Variants in TTN observed in about 807,000 individuals in gnomAD.
TTN encodes the protein titin.
In TTN, 1,525 loss-of-function variants were observed where a neutral mutation model predicts 3,223.0. That is an observed-to-expected ratio of 0.47 (90% confidence interval 0.45 to 0.49). The LOEUF (loss-of-function observed/expected upper bound fraction) is 0.49, where lower values mean the gene tolerates loss of function less well. Among genes scored for constraint, TTN ranks in the 20% least tolerant of loss-of-function variants. The pLI, the probability that TTN is intolerant of heterozygous loss-of-function variation, is 0.00. For synonymous variants in TTN, 14,094 were observed against 15,161.0 expected, an observed-to-expected ratio of 0.93 and a Z score of 5.17; for missense variants, 40,786 against 43,424.0, an observed-to-expected ratio of 0.94 and a Z score of 5.40.
intron 263 of TTN, 127 bp from the exon 264 acceptor site, chr2:178,613,403 G>A (rs2154201005): frequency 2.5e-6 from 2 of 815,686 alleles, no homozygotes; most frequent in Non-Finnish European, 1.9e-6. Context: ...TAACTGAAAA[G>A]CACTTCAATA....
intron 220 of TTN, 23 bp from the exon 221 acceptor site, chr2:178,640,653 C>T: frequency 6.5e-7 from 1 of 1,542,272 alleles, no homozygotes; most frequent in Non-Finnish European, 8.7e-7. Flanking sequence ...ATTATTTTTT[C>T]AGTGTTAATA....
chr2:178,733,622 A>G lies in TTN; in HGVS notation c.15767T>C (p.Ile5256Thr), dbSNP rs773177460. The change falls in exon 53 of 363, where the codon ATA becomes ACA. Residue 5256 changes from isoleucine (I) to threonine (T), a missense_variant. Coordinates refer to ENST00000589042, the MANE Select transcript of TTN (RefSeq NM_001267550.2). ...AGSQTSVGEL[I>T]VKEPAKIIER... ...AATGTTCCTACACAAACCTTTAACT[A>G]TTAATTCCCCAACAGATGTTTGGCT... The G allele has an allele frequency of 2.5e-6, 4 of 1,610,834 alleles. No individual in the cohort carries two copies. Among genetic ancestry groups the G allele is most frequent in the Non-Finnish European group, 1.7e-6 (2 of 1,177,636 alleles).
chr2:178,731,291 C>G lies in TTN; in HGVS notation c.17461+14G>C, dbSNP rs751425418. 1.2e-6 allele frequency: 2 copies of G among 1,612,410 alleles called. No individual in the cohort carries two copies. Among genetic ancestry groups the G allele is most frequent in the South Asian group, 2.2e-5 (2 of 90,992 alleles). ...ATTTCTTCCTCAAACCCAAGGCAAA[C>G]GTTCTGAACCAACCTTTTACTGAGA... On this transcript the variant is annotated intron_variant, in intron 59 of 362. Coordinates refer to ENST00000589042, the MANE Select transcript of TTN (RefSeq NM_001267550.2).
rs142132973 is a variant in TTN at position 178,748,073 on chromosome 2, A to G, written c.11311+5051T>C. 8.2e-4 allele frequency: 1,319 copies of G among 1,612,984 alleles called. 11 individuals are homozygous for G. The South Asian group carries it at 9.2e-3, about 11-fold the overall frequency. ...TTCTTCTTCCATTTCACCAACCCCTAAAGGCTTTTCCTCACTTGCTGCTTT... is the reference window on the plus strand; with the variant it reads ...TTCTTCTTCCATTTCACCAACCCCTGAAGGCTTTTCCTCACTTGCTGCTTT... On this transcript the variant is annotated intron_variant, in intron 47 of 362. Coordinates refer to ENST00000589042, the MANE Select transcript of TTN (RefSeq NM_001267550.2).
chr2:178,617,707 G>T, intron 253 of TTN, 72 bp downstream of exon 253: 1 of 1,549,230 alleles, frequency 6.5e-7, no homozygotes, highest in South Asian at 1.2e-5. Flanking sequence ...CATTTAACTT[G>T]ATTTATTTTA....
rs2057745524 is a variant in TTN, at chr2:178,618,511, G to T, written c.46967-20C>A. 7 of 1,609,530 alleles carry T rather than the reference G, an allele frequency of 4.3e-6. No homozygotes were observed. The highest frequency in any genetic ancestry group is 3.3e-4 in the Middle Eastern group (2 of 6,038). ...GAACATCTGAAATTCACATATAGAG[G>T]AATTTTTTTAGTGTGCTGTCTTGCT... is the stretch of plus-strand genomic sequence containing the variant. On this transcript the variant is annotated intron_variant, in intron 251 of 362. Coordinates refer to ENST00000589042, the MANE Select transcript of TTN (RefSeq NM_001267550.2).
At position 178,572,299 on chromosome 2, in the gene TTN, C is replaced by A. The variant is rs2154170017; in HGVS notation, c.73833G>T (p.Val24611=). The change falls in exon 326 of 363, where the codon GTG becomes GTT. Residue 24611 remains valine, a synonymous_variant. Coordinates refer to ENST00000589042, the MANE Select transcript of TTN (RefSeq NM_001267550.2). ...GAGGAAGAGGTCGTTCTGATGCTTTCACAGATTCTGCGGTTTCAGCAGGCA... is the reference window on the plus strand; with the variant it reads ...GAGGAAGAGGTCGTTCTGATGCTTTAACAGATTCTGCGGTTTCAGCAGGCA... The part of the protein sequence containing the change: ...IGLPAETAES[V]KASERPLPPG... 2.5e-6 allele frequency: 4 copies of A among 1,611,996 alleles called. No individual in the cohort carries two copies. Among genetic ancestry groups the A allele is most frequent in the Non-Finnish European group, 3.4e-6 (4 of 1,178,400 alleles).
At position 178,729,316 on chromosome 2, in the gene TTN, G is replaced by A. The variant is rs1329418633; in HGVS notation, c.18840C>T (p.Cys6280=). ...QCIVSNEGGS[C]SCSTRVALKE... ...TCAGGGCAACTCTAGTACTGCATGAGCAGCTGCCGCCTTCATTGGATACAA... is the reference window on the plus strand; with the variant it reads ...TCAGGGCAACTCTAGTACTGCATGAACAGCTGCCGCCTTCATTGGATACAA... The change falls in exon 64 of 363, where the codon TGC becomes TGT. Residue 6280 remains cysteine (C), a synonymous_variant. Coordinates refer to ENST00000589042, the MANE Select transcript of TTN (RefSeq NM_001267550.2). 3 of 1,611,528 alleles carry A rather than the reference G, an allele frequency of 1.9e-6. No individual in the cohort carries two copies. The highest frequency in any genetic ancestry group is 2.2e-5 in the East Asian group (1 of 44,828).
In TTN at chr2:178,720,664, C is replaced by A. The variant is rs867681965; in HGVS notation, c.23099-1G>T. 6.4e-7 allele frequency: 1 copy of A among 1,569,780 alleles called. No individual in the cohort carries two copies. Among genetic ancestry groups the A allele is most frequent in the Non-Finnish European group, 8.6e-7 (1 of 1,164,020 alleles). ...GGCTTCTGGGTGAAAACAGGAGGTG[C>A]TACCAGAAAAAAGGAGATAAACAAT... On this transcript the variant is annotated splice_acceptor_variant, in intron 79 of 362. Transcript: ENST00000589042. LOFTEE classifies it high-confidence loss of function.
intron 17 of TTN, 143 bp downstream of exon 17, chr2:178,783,577 C>A: frequency 1.4e-6 from 1 of 734,186 alleles, no homozygotes; most frequent in South Asian, 1.7e-5. Flanking sequence ...GTCTTCCAGA[C>A]CAAATACGGT....
At position 178,722,953 on chromosome 2, in the gene TTN, T is replaced by A; in HGVS notation, c.21962-16A>T. 1 of 1,602,880 alleles carries A rather than the reference T, an allele frequency of 6.2e-7. No individual in the cohort carries two copies. Among genetic ancestry groups the A allele is most frequent in the Admixed American group, 1.7e-5 (1 of 58,232 alleles). ...TAAGGCGGTTCTAAGGAAGAAAGGC[T>A]CACAGTTAGCAACTGGAATTAATGA... On this transcript the variant is annotated splice_polypyrimidine_tract_variant and intron_variant, in intron 75 of 362. Coordinates refer to ENST00000589042, the MANE Select transcript of TTN (RefSeq NM_001267550.2).
In TTN at chr2:178,701,541, T is replaced by G; in HGVS notation, c.30585A>C (p.Ala10195=). 1 of 1,613,618 alleles carries G rather than the reference T, an allele frequency of 6.2e-7. No individual in the cohort carries two copies. Among genetic ancestry groups the G allele is most frequent in the Non-Finnish European group, 8.5e-7 (1 of 1,179,656 alleles). Residue 10195 remains alanine, a synonymous_variant, in exon 110 of 363, where the codon GCA becomes GCC. Transcript: ENST00000589042. ...RVPIPTMPIR[A]VPPEEIPPVV... The stretch of plus-strand genomic sequence containing the variant: ...TCTGGGTCTTACCTTCTGGTGGCAC[T>G]GCTCTGATAGGCATGGTTGGGATTG...
Position 178,665,799 on chromosome 2 carries a change from G to T in TTN, c.35876-8C>A. On this transcript the variant is annotated splice_region_variant and splice_polypyrimidine_tract_variant and intron_variant, in intron 163 of 362. Coordinates refer to ENST00000589042, the MANE Select transcript of TTN (RefSeq NM_001267550.2). ...CTCGAGGTGATTCAGGCACTTTAAA[G>T]ATATGAATGCATTGTACTTTGGAGT... 7.9e-7 allele frequency: 1 copy of T among 1,266,588 alleles called. No homozygotes were observed. The highest frequency in any genetic ancestry group is 3.3e-5 in the South Asian group (1 of 30,600). The allele number at this position is 1,266,588 out of a possible 1,614,324, so 78.5% of individuals were successfully genotyped here. A position where few individuals can be genotyped will look rare whatever the true frequency, so the allele number is the denominator to read the frequency against.
chr2:178,794,565 G>T lies in TTN; in HGVS notation c.1246-14C>A, dbSNP rs753427490. The T allele has an allele frequency of 1.9e-6, 3 of 1,614,078 alleles. No individual in the cohort carries two copies. In the South Asian group the frequency reaches 3.3e-5, roughly 18 times the overall value. On this transcript the variant is annotated splice_polypyrimidine_tract_variant and intron_variant, in intron 7 of 362. Coordinates refer to ENST00000589042, the MANE Select transcript of TTN (RefSeq NM_001267550.2). ...ATCTTGTTTCACCTAGATTAGAAAT[G>T]ACCAAGTAGATTACTTTTTTAAATG...
chr2:178,621,017 A>G, intron 246 of TTN, 24 bp from the exon 247 acceptor site: 1 of 1,606,578 alleles, frequency 6.2e-7, no homozygotes, highest in Non-Finnish European at 8.5e-7. Context: ...ACAAGACTTT[A>G]TAGTATGAAT....
intron 47 of TTN, chr2:178,751,882 A>G (rs1178316683): frequency 6.2e-7 from 1 of 1,605,062 alleles, no homozygotes; most frequent in Admixed American, 1.7e-5. Context: ...GTTTCTGGGT[A>G]AAAGAAGGCT....
intron 43 of TTN, among the ~76,000 whole-genome samples, chr2:178,763,299 G>A (rs1055004387): frequency 6.6e-6 from 1 of 152,182 alleles, no homozygotes; most frequent in Non-Finnish European, 1.5e-5. Context: ...AATTAAAAAT[G>A]GTAGCAGCTA....
intron 43 of TTN, among the ~76,000 whole-genome samples, chr2:178,760,101 A>T (rs1318331604): frequency 6.6e-6 from 1 of 152,168 alleles, no homozygotes; most frequent in South Asian, 2.1e-4. Flanking sequence ...ATCATCTAGC[A>T]TTTGTCTGCA....
intron 165 of TTN, 56 bp from the exon 166 acceptor site, chr2:178,664,982 T>TAACCACAA: frequency 6.5e-7 from 1 of 1,528,606 alleles, no homozygotes; most frequent in East Asian, 2.4e-5. Flanking sequence ...TGGAAAACAG[T>TAACCACAA]AACCACAATA....
Sources: allele counts gnomAD v4.1 joint callset (sites outside exome capture counted in the v4.1 genomes callset), GRCh38; gene constraint gnomAD v4.1.1; transcripts MANE v1.5; gene names NCBI Gene and HGNC (gene_info 2026-07-23, HGNC 2026-07-21).